Variants in SMAD5 observed in about 807,000 individuals in gnomAD.
SMAD5 encodes MAD, mothers against decapentaplegic homolog 5.
A neutral mutation model predicts 43.1 loss-of-function variants in SMAD5; 9 were observed. The observed-to-expected ratio is 0.21, with a 90% CI of 0.13 to 0.36. The LOEUF (loss-of-function observed/expected upper bound fraction) is 0.36. SMAD5 is among the 10% of genes least tolerant of loss of function. The pLI is 1.00. For missense variants in SMAD5, 348 were observed against 574.0 expected (o/e 0.61, Z 4.02); for synonymous variants, 190 against 192.4 (o/e 0.99, Z 0.10).
chr5:136,158,251 T>A (rs1399373049), intron 3 of SMAD5, among the ~76,000 whole-genome samples: 1 of 151,970 alleles, frequency 6.6e-6, no homozygotes, highest in Non-Finnish European at 1.5e-5. Flanking sequence ...ATGAAATTTT[T>A]GTATATCATA....
chr5:136,144,856 A>G (rs1484995420), intron 1 of SMAD5, among the ~76,000 whole-genome samples: 1 of 151,932 alleles, frequency 6.6e-6, no homozygotes, highest in African/African-American at 2.4e-5. Context: ...CATGTATTCC[A>G]TGCTAATTGG....
At position 136,161,125 on chromosome 5, in the gene SMAD5, TG is replaced by T; in HGVS notation, c.655+19del. 1.3e-6 allele frequency: 2 copies of T among 1,577,320 alleles called. No homozygotes were observed. The highest frequency in any genetic ancestry group is 3.7e-5 in the Admixed American group (2 of 53,980). On this transcript the variant is annotated intron_variant, in intron 4 of 7. Coordinates refer to ENST00000545279, the MANE Select transcript of SMAD5 (RefSeq NM_005903.7). ...GCTCCCAGGTAAGACTTTATTTTAT[TG>T]ATACCAAAAAAAAAAAAATTCCTAA...
intron 4 of SMAD5, among the ~76,000 whole-genome samples, 174 bp downstream of exon 4, chr5:136,161,281 A>G (rs1399152637): frequency 1.3e-5 from 2 of 152,130 alleles, no homozygotes; most frequent in Non-Finnish European, 2.9e-5. Flanking sequence ...TTATTTTGCC[A>G]ATTACCGTAT....
chr5:136,163,507 T>C (rs1378332828), intron 5 of SMAD5, 116 bp downstream of exon 5: 3 of 821,920 alleles, frequency 3.6e-6, no homozygotes, highest in Non-Finnish European at 5.3e-6. Context: ...AATTTTTTTG[T>C]TTTAAGTGTA....
chr5:136,172,742 C>T (rs1174157102), intron 6 of SMAD5, 87 bp downstream of exon 6: 1 of 913,168 alleles, frequency 1.1e-6, no homozygotes, highest in Admixed American at 1.9e-5. Context: ...GTGCTAGAAA[C>T]ATACAAAGAA....
chr5:136,154,748 T>A (rs1440741380), intron 3 of SMAD5, among the ~76,000 whole-genome samples: 6 of 152,200 alleles, frequency 3.9e-5, no homozygotes, highest in African/African-American at 1.4e-4. Flanking sequence ...AGTTAGTCTT[T>A]CTTTCCTACC....
At position 136,154,064 on chromosome 5, in the gene SMAD5, C is replaced by A; in HGVS notation, c.304C>A (p.His102Asn). The A allele has an allele frequency of 6.2e-7, 1 of 1,604,548 alleles. No individual in the cohort carries two copies. The highest frequency in any genetic ancestry group is 8.5e-7 in the Non-Finnish European group (1 of 1,175,432). Reference protein sequence around the residue: ...VWRWPDLQSHHELKPLDICEF... With the variant: ...VWRWPDLQSHNELKPLDICEF... ...GCGCTGGCCGGATTTGCAGAGTCAT[C>A]ATGAGCTAAAGCCGTTGGATATTTG... The change falls in exon 3 of 8, where the codon CAT becomes AAT. Residue 102 changes from histidine to asparagine, a missense_variant. Physicochemically the swap from His to Asn is moderately conservative, Grantham distance 68 (BLOSUM62 1). Transcript: ENST00000545279.
rs896525611 is a variant in SMAD5, at chr5:136,181,978, G to A, written c.*4498G>A. ...TCTGAAAAGATCCAGTCCTAGAGCA[G>A]GATTCTTCGATCATTCATGGCAGAG... On this transcript the variant is annotated 3_prime_UTR_variant, in exon 8 of 8. Transcript: ENST00000545279. The A allele has an allele frequency of 2.6e-5, 4 of 152,136 alleles. No homozygotes were observed. The highest frequency in any genetic ancestry group is 9.7e-5 in the African/African-American group (4 of 41,438). 9.4% of individuals were successfully genotyped at this position (152,136 alleles called of 1,614,324 possible). A position where few individuals can be genotyped will look rare whatever the true frequency, so the allele number is the denominator to read the frequency against.
intron 6 of SMAD5, 165 bp downstream of exon 6, chr5:136,172,820 T>C: frequency 1.7e-6 from 1 of 597,480 alleles, no homozygotes. Context: ...AAAGACATGA[T>C]GTTCCCTCAT....
intron 2 of SMAD5, among the ~76,000 whole-genome samples, chr5:136,148,614 G>T (rs1391780709): frequency 1.3e-5 from 2 of 151,782 alleles, no homozygotes; most frequent in Non-Finnish European, 2.9e-5. Flanking sequence ...TGCTTATGCT[G>T]CTTGCTGTGC....
In SMAD5 at chr5:136,162,094, C is replaced by T. The variant is rs376908691; in HGVS notation, c.655+987C>T. On this transcript the variant is annotated intron_variant, in intron 4 of 7. Coordinates refer to ENST00000545279, the MANE Select transcript of SMAD5 (RefSeq NM_005903.7). ...TGGTCATGGGTAGCCAGAGCACATT[C>T]CAGCAACTCAGGGCACAAGGTGGAA... 1.2e-4 allele frequency among the ~76,000 whole-genome samples: 19 copies of T among 152,314 alleles called. No individual in the cohort carries two copies. The South Asian group carries it at 3.7e-3, about 30-fold the overall frequency.
chr5:136,177,439 C>G lies in SMAD5; in HGVS notation c.1357C>G (p.Gln453Glu), dbSNP rs1754463398. 1.2e-6 allele frequency: 2 copies of G among 1,612,472 alleles called. No homozygotes were observed. Among genetic ancestry groups the G allele is most frequent in the African/African-American group, 2.7e-5 (2 of 74,914 alleles). Residue 453 changes from glutamine to glutamate, a missense_variant, in exon 8 of 8, where the codon CAG (glutamine) becomes GAG (glutamate). Physicochemically the swap from Gln to Glu is conservative, Grantham distance 29. This residue lies in a region of SMAD5 where 97 missense variants were observed against 211.8 expected (regional missense o/e 0.46). Coordinates refer to ENST00000545279, the MANE Select transcript of SMAD5 (RefSeq NM_005903.7). ...TCAGTGGCTGGATAAAGTCCTTACT[C>G]AGATGGGCTCCCCTCTGAACCCCAT... is the stretch of plus-strand genomic sequence containing the variant. ...PLQWLDKVLT[Q>E]MGSPLNPISS...
chr5:136,135,345 T>C (rs7356756), intron 1 of SMAD5, among the ~76,000 whole-genome samples: 54,794 of 152,098 alleles, frequency 0.36, 10,860 homozygotes, highest in African/African-American at 0.54. Context: ...GCACATTAGA[T>C]TACAACCATA....
chr5:136,134,449 A>T (rs1048527962), intron 1 of SMAD5: 5 of 152,382 alleles, frequency 3.3e-5, no homozygotes, highest in Admixed American at 6.5e-5. Flanking sequence ...TTTCTGCTAG[A>T]TGCCAATGCA....
intron 2 of SMAD5, among the ~76,000 whole-genome samples, chr5:136,150,808 T>C (rs1441028988): frequency 1.3e-5 from 2 of 152,048 alleles, no homozygotes; most frequent in Non-Finnish European, 2.9e-5. Context: ...GTTTGAATAG[T>C]ACTGTTGAGT....
At chr5:136,154,962 G>A (rs533086330) in intron 3 of SMAD5, among the ~76,000 whole-genome samples, 2 of 152,188 alleles carry the variant, frequency 1.3e-5, no homozygotes, top group South Asian at 4.2e-4. Context: ...CTCTTTGCTG[G>A]CGTATTCTCC....
chr5:136,155,455 G>T (rs146917969), intron 3 of SMAD5, among the ~76,000 whole-genome samples: 1 of 152,208 alleles, frequency 6.6e-6, no homozygotes, highest in African/African-American at 2.4e-5. Flanking sequence ...TGGTCTTTCT[G>T]CGTCTCTTCT....
chr5:136,155,494 A>C (rs1753605201), intron 3 of SMAD5, among the ~76,000 whole-genome samples: 1 of 152,202 alleles, frequency 6.6e-6, no homozygotes, highest in Non-Finnish European at 1.5e-5. Context: ...TTTTCCACAC[A>C]ACAGCCAGAA....
At chr5:136,144,161 G>A (rs1331073686) in intron 1 of SMAD5, among the ~76,000 whole-genome samples, 1 of 152,020 alleles carries the variant, frequency 6.6e-6, no homozygotes, top group African/African-American at 2.4e-5. Flanking sequence ...TGTCCCGTGG[G>A]TTTCCTAATG....
Sources: gnomAD v4.1 joint callset for allele counts (sites outside exome capture counted in the v4.1 genomes callset) on GRCh38, gnomAD v4.1.1 for gene constraint, gnomAD v4.1.1 regional missense constraint, MANE v1.5 for transcripts, NCBI Gene and HGNC (gene_info 2026-07-23, HGNC 2026-07-21) for gene names.